PCYT1B: variants seen among roughly 807,000 people sequenced by gnomAD.
PCYT1B encodes phosphate cytidylyltransferase 1B, choline, also known as choline-phosphate cytidylyltransferase B.
A neutral mutation model predicts 26.4 loss-of-function variants in PCYT1B; 10 were observed. The observed-to-expected ratio is 0.38, with a 90% CI of 0.23 to 0.64. The LOEUF (loss-of-function observed/expected upper bound fraction) is 0.64. Among genes scored for constraint, PCYT1B ranks in the 30% least tolerant of loss-of-function variants. PCYT1B has a pLI of 0.56. For missense variants in PCYT1B, 161 were observed against 292.7 expected (o/e 0.55, Z 3.28); for synonymous variants, 131 against 108.4 (o/e 1.21, Z -1.29).
chrX:24,669,298 C>T (rs752399028), intron 1 of PCYT1B, among the ~76,000 whole-genome samples: 3 of 110,258 alleles, frequency 2.7e-5, no homozygotes, highest in Non-Finnish European at 3.8e-5. Context: ...GGGCAGATCA[C>T]GTGAGGTCAG....
intron 3 of PCYT1B, among the ~76,000 whole-genome samples, chrX:24,601,049 C>G (rs1924943120): frequency 9.0e-6 from 1 of 111,625 alleles, no homozygotes; most frequent in African/African-American, 3.3e-5. Context: ...AGAAGAAAAC[C>G]CAGATGGGTT....
chrX:24,613,950 CAAAAAA>C (rs200062439), intron 2 of PCYT1B, among the ~76,000 whole-genome samples: 8 of 77,208 alleles, frequency 1.0e-4, no homozygotes, highest in African/African-American at 1.8e-4. Flanking sequence ...AACAACCTGT[CAAAAAA>C]AAAAAAAAAA....
chrX:24,577,270 G>T (rs1347147546), intron 6 of PCYT1B, among the ~76,000 whole-genome samples: 1 of 111,746 alleles, frequency 8.9e-6, no homozygotes, highest in Non-Finnish European at 1.9e-5. Context: ...CTGAACTGCA[G>T]CCAGGTTTGT....
chrX:24,666,927 G>T (rs1037913924), intron 1 of PCYT1B, among the ~76,000 whole-genome samples: 1 of 109,788 alleles, frequency 9.1e-6, no homozygotes, highest in Non-Finnish European at 1.9e-5. Flanking sequence ...GGAAGCCCCA[G>T]ATTTCACAAG....
At chrX:24,571,150 G>A (rs953734653) in intron 7 of PCYT1B, among the ~76,000 whole-genome samples, 7 of 111,723 alleles carry the variant, frequency 6.3e-5, no homozygotes, top group African/African-American at 2.3e-4. Flanking sequence ...GATCACTTGA[G>A]GTCAGGAGTT....
At chrX:24,643,782 T>G (rs1326954057) in intron 1 of PCYT1B, among the ~76,000 whole-genome samples, 1 of 112,305 alleles carries the variant, frequency 8.9e-6, no homozygotes, top group Non-Finnish European at 1.9e-5. Context: ...CACTCACGTA[T>G]GCCAGCTCCC....
chrX:24,634,607 A>G (rs146681012), intron 1 of PCYT1B, among the ~76,000 whole-genome samples: 1,936 of 110,968 alleles, frequency 0.017, 45 homozygotes, highest in African/African-American at 0.061. Flanking sequence ...TTAGCCAGGC[A>G]TGATGGTGCA....
intron 1 of PCYT1B, among the ~76,000 whole-genome samples, chrX:24,652,836 C>T (rs1176028448): frequency 9.0e-6 from 1 of 111,314 alleles, no homozygotes; most frequent in Admixed American, 9.6e-5. Flanking sequence ...GTAATCCCAG[C>T]ACTTTGGGAG....
chrX:24,600,327 C>T (rs945816939), intron 3 of PCYT1B, among the ~76,000 whole-genome samples: 1 of 111,668 alleles, frequency 9.0e-6, no homozygotes. Context: ...GACAAATCTA[C>T]AGGTCTTCTT....
chrX:24,643,079 C>T (rs1373128376), intron 1 of PCYT1B, among the ~76,000 whole-genome samples: 3 of 111,741 alleles, frequency 2.7e-5, no homozygotes, highest in Non-Finnish European at 5.6e-5. Flanking sequence ...TTCCTTCTGA[C>T]AACAGAATGC....
chrX:24,663,687 G>T (rs183186029), intron 1 of PCYT1B, among the ~76,000 whole-genome samples: 346 of 111,397 alleles, frequency 3.1e-3, no homozygotes, highest in Non-Finnish European at 5.0e-3. Context: ...GGCCGAGGCT[G>T]GGGGGGATGA....
intron 1 of PCYT1B, among the ~76,000 whole-genome samples, chrX:24,667,937 A>G (rs1253197158): frequency 8.9e-6 from 1 of 111,903 alleles, no homozygotes; most frequent in Non-Finnish European, 1.9e-5. Flanking sequence ...GGGACAAACC[A>G]TATCCTTTGA....
intron 1 of PCYT1B, among the ~76,000 whole-genome samples, chrX:24,670,097 A>AAGGAAGG (rs1927217839): frequency 1.5e-5 from 1 of 68,885 alleles, no homozygotes; most frequent in East Asian, 6.4e-4. Flanking sequence ...AGAAAGAAAG[A>AAGGAAGG]AAGAAAGAAA....
At chrX:24,662,752 T>C (rs745308770) in intron 1 of PCYT1B, among the ~76,000 whole-genome samples, 1 of 112,022 alleles carries the variant, frequency 8.9e-6, no homozygotes, top group Non-Finnish European at 1.9e-5. Flanking sequence ...AACACTTAGT[T>C]GCAATCTACA....
chrX:24,655,380 C>T (rs1926883464), intron 1 of PCYT1B, among the ~76,000 whole-genome samples: 1 of 112,589 alleles, frequency 8.9e-6, no homozygotes, highest in Admixed American at 9.4e-5. Context: ...CTATTGAATT[C>T]ATGTACATGA....
chrX:24,579,052 C>T (rs1216879925), intron 6 of PCYT1B, among the ~76,000 whole-genome samples: 4 of 109,699 alleles, frequency 3.6e-5, no homozygotes, highest in Non-Finnish European at 5.7e-5. Context: ...ACTCAGGAGG[C>T]TGAGGCAGGA....
At chrX:24,632,737 T>C (rs773356078) in intron 1 of PCYT1B, 1 of 111,686 alleles carries the variant, frequency 9.0e-6, no homozygotes, top group Non-Finnish European at 1.9e-5. Flanking sequence ...AGTGGAATGA[T>C]AGATACCACT....
intron 1 of PCYT1B, among the ~76,000 whole-genome samples, chrX:24,643,731 A>G (rs1262599409): frequency 3.6e-5 from 4 of 112,255 alleles, no homozygotes; most frequent in Non-Finnish European, 5.6e-5. Flanking sequence ...TTTGTTACTT[A>G]CAGGGATCTA....
At chrX:24,597,130 T>A (rs1924808982) in intron 3 of PCYT1B, among the ~76,000 whole-genome samples, 1 of 105,339 alleles carries the variant, frequency 9.5e-6, no homozygotes, top group Non-Finnish European at 2.0e-5. Flanking sequence ...TTTCTTTTCT[T>A]TTTTTTTTTT....
Sources: gnomAD v4.1 joint callset for allele counts (sites outside exome capture counted in the v4.1 genomes callset) on GRCh38, gnomAD v4.1.1 for gene constraint, MANE v1.5 for transcripts, NCBI Gene and HGNC (gene_info 2026-07-23, HGNC 2026-07-21) for gene names.